HHLA1: variants seen among roughly 807,000 people sequenced by gnomAD.
HHLA1 encodes the protein HERV-H LTR-associating protein 1.
A neutral mutation model predicts 69.9 loss-of-function variants in HHLA1; 72 were observed. The observed-to-expected ratio is 1.03, with a 90% CI of 0.85 to 1.25. The LOEUF (loss-of-function observed/expected upper bound fraction) is 1.25, where lower values mean the gene tolerates loss of function less well. Ranked by LOEUF, HHLA1 falls within the 50% of genes most tolerant of loss-of-function variation. The pLI is 0.00. For missense variants in HHLA1, 685 were observed against 642.2 expected (o/e 1.07, Z -0.72); for synonymous variants, 252 against 233.2 (o/e 1.08, Z -0.73).
chr8:132,073,940 C>T (rs558333813), intron 14 of HHLA1, among the ~76,000 whole-genome samples: 1 of 152,226 alleles, frequency 6.6e-6, no homozygotes, highest in Admixed American at 6.5e-5. Context: ...CGCAAGTTTC[C>T]CTGCTTCCAG....
chr8:132,070,302 A>G (rs1823511411), intron 15 of HHLA1: 1 of 701,834 alleles, frequency 1.4e-6, no homozygotes, highest in African/African-American at 1.7e-5. Flanking sequence ...CCTTCTTAAT[A>G]TAAAACAGGT....
intron 10 of HHLA1, 75 bp downstream of exon 10, chr8:132,087,560 ACAACACCTGAGGGCAGCT>A (rs1823883674): frequency 1.3e-6 from 1 of 748,810 alleles, no homozygotes; most frequent in South Asian, 1.7e-5. Context: ...ATAGCGAAAC[ACAACACCTGAGGGCAGCT>A]TTCAGTCATT....
chr8:132,080,078 T>C, intron 10 of HHLA1, 112 bp from the exon 11 acceptor site: 1 of 1,356,268 alleles, frequency 7.4e-7, no homozygotes, highest in South Asian at 1.3e-5. Flanking sequence ...AACCTTTCTC[T>C]AATTAAAAGT....
At position 132,098,961 on chromosome 8, in the gene HHLA1, C is replaced by T. The variant is rs1824069614; in HGVS notation, c.201G>A (p.Glu67=). The T allele has an allele frequency of 6.5e-7, 1 of 1,545,196 alleles. No individual in the cohort carries two copies. The highest frequency in any genetic ancestry group is 8.7e-7 in the Non-Finnish European group (1 of 1,144,046). Residue 67 remains glutamate, a splice_region_variant and synonymous_variant, in exon 5 of 17, where the codon GAG becomes GAA. Coordinates refer to ENST00000414222, the MANE Select transcript of HHLA1 (RefSeq NM_001145095.3). Reference sequence around the variant, plus strand: ...ACAGATCGATTGACCTTGCGGGCAGCTCTGAAAGAGATTCAGAGATAATGT... The same window carrying T: ...ACAGATCGATTGACCTTGCGGGCAGTTCTGAAAGAGATTCAGAGATAATGT... The part of the protein sequence containing the change: ...EKGVAFLATT[E]LPARSIDLSA...
chr8:132,110,253 A>G (rs1824274189), intron 1 of HHLA1, among the ~76,000 whole-genome samples: 1 of 152,190 alleles, frequency 6.6e-6, no homozygotes, highest in African/African-American at 2.4e-5. Context: ...CTGAGGCATT[A>G]CGACGGTCCG....
Position 132,106,250 on chromosome 8 carries a change from A to G in HHLA1, c.-21-964T>C, listed in dbSNP as rs1366519678. The stretch of plus-strand genomic sequence containing the variant: ...GAGAATGTGCGCTTGGATTGGAGAA[A>G]AATGTTGCAGGAAGGGAACATCCTC... On this transcript the variant is annotated intron_variant, in intron 1 of 16. Transcript: ENST00000414222. Among the ~76,000 whole-genome samples the G allele has an allele frequency of 3.3e-5, 5 of 152,244 alleles. No homozygotes were observed. In the East Asian group the frequency reaches 9.6e-4, roughly 29 times the overall value.
intron 10 of HHLA1, among the ~76,000 whole-genome samples, chr8:132,083,838 T>G (rs1230129262): frequency 2.0e-5 from 3 of 152,180 alleles, no homozygotes; most frequent in Non-Finnish European, 2.9e-5. Flanking sequence ...TTTCTATTAT[T>G]GTACACCTTG....
intron 10 of HHLA1, among the ~76,000 whole-genome samples, chr8:132,086,793 T>C (rs952822927): frequency 2.6e-5 from 4 of 152,224 alleles, no homozygotes; most frequent in Non-Finnish European, 5.9e-5. Context: ...GTTCCTTCCA[T>C]AGCATAATCA....
chr8:132,084,605 A>G (rs1298109444), intron 10 of HHLA1, among the ~76,000 whole-genome samples: 1 of 152,168 alleles, frequency 6.6e-6, no homozygotes, highest in Non-Finnish European at 1.5e-5. Flanking sequence ...GCGGCATTGC[A>G]GAAGAAAATA....
chr8:132,093,182 A>G (rs1197118248), intron 7 of HHLA1, among the ~76,000 whole-genome samples: 1 of 152,192 alleles, frequency 6.6e-6, no homozygotes, highest in African/African-American at 2.4e-5. Flanking sequence ...CAGGTTGGAT[A>G]GATAAGTGGG....
chr8:132,101,924 T>C (rs1183925013), intron 3 of HHLA1, among the ~76,000 whole-genome samples: 1 of 152,232 alleles, frequency 6.6e-6, no homozygotes, highest in Non-Finnish European at 1.5e-5. Context: ...ATTGTTATTA[T>C]GTTGTACAGC....
intron 15 of HHLA1, chr8:132,070,471 C>T (rs922920643): frequency 1.0e-5 from 7 of 678,628 alleles, no homozygotes; most frequent in Non-Finnish European, 1.3e-5. Context: ...CACTCAAGAT[C>T]CTCTGCCATG....
At chr8:132,078,679 A>C (rs1299982931) in intron 11 of HHLA1, among the ~76,000 whole-genome samples, 1 of 152,154 alleles carries the variant, frequency 6.6e-6, no homozygotes, top group African/African-American at 2.4e-5. Flanking sequence ...CTGGATCATA[A>C]CTATTGGTTT....
chr8:132,076,003 C>T, intron 14 of HHLA1, 52 bp downstream of exon 14: 1 of 1,301,442 alleles, frequency 7.7e-7, no homozygotes, highest in Non-Finnish European at 1.1e-6. Flanking sequence ...TACTACATGA[C>T]CTTGTTCAAA....
chr8:132,099,851 T>C (rs1824085321), intron 4 of HHLA1, among the ~76,000 whole-genome samples: 3 of 149,468 alleles, frequency 2.0e-5, no homozygotes, highest in South Asian at 2.1e-4. Context: ...TGAAACTCCA[T>C]CTAAAAAAAA....
At chr8:132,110,363 G>T (rs976075367) in intron 1 of HHLA1, among the ~76,000 whole-genome samples, 2 of 152,190 alleles carry the variant, frequency 1.3e-5, no homozygotes, top group Non-Finnish European at 2.9e-5. Context: ...CATTAAGCTG[G>T]CAGGGGCAGC....
chr8:132,068,823 G>A (rs992381674), intron 15 of HHLA1, among the ~76,000 whole-genome samples: 1 of 152,180 alleles, frequency 6.6e-6, no homozygotes, highest in African/African-American at 2.4e-5. Flanking sequence ...TGCAAGGAGT[G>A]TGCCCCAAGA....
rs147860996 is a variant in HHLA1 at position 132,069,245 on chromosome 8, C to A, written c.1469+2095G>T. Among the ~76,000 whole-genome samples, 739 of 152,270 alleles carry A rather than the reference C, an allele frequency of 4.9e-3. 5 individuals are homozygous for A. The highest frequency in any genetic ancestry group is 0.031 in the East Asian group (159 of 5,178). ...GGAAAACTCCTATTCCTCCATAAAG[C>A]CCTATTAGTTATTTCTCCTGGGATC... On this transcript the variant is annotated intron_variant, in intron 15 of 16. Transcript: ENST00000414222.
At chr8:132,094,292 T>C (rs7824804) in intron 7 of HHLA1, among the ~76,000 whole-genome samples, 140,720 of 152,276 alleles carry the variant, frequency 0.92, 65,187 homozygotes, top group Middle Eastern at 0.96. Flanking sequence ...CCAGAAGGAT[T>C]CTTTTAAAAT....
Sources: gnomAD v4.1 joint callset for allele counts (sites outside exome capture counted in the v4.1 genomes callset) on GRCh38, gnomAD v4.1.1 for gene constraint, MANE v1.5 for transcripts, NCBI Gene and HGNC (gene_info 2026-07-23, HGNC 2026-07-21) for gene names.